MSH4: variants seen among roughly 807,000 people sequenced by gnomAD.
MSH4 encodes mutS homolog 4.
Under a neutral mutation model 113.7 loss-of-function variants are expected in MSH4, and 106 were observed. That is an observed-to-expected ratio of 0.93 (90% CI 0.80 to 1.10). The LOEUF (loss-of-function observed/expected upper bound fraction) is 1.10, where lower values mean the gene tolerates loss of function less well. Among genes scored for constraint, MSH4 ranks in the 50% least tolerant of loss-of-function variants. The pLI, the probability that MSH4 is intolerant of heterozygous loss-of-function variation, is 0.00. For missense variants in MSH4, 1,061 were observed against 1,093.7 expected (o/e 0.97, Z 0.42); for synonymous variants, 368 against 380.2 (o/e 0.97, Z 0.37).
At chr1:75,852,184 T>A (rs1159215) in intron 8 of MSH4, among the ~76,000 whole-genome samples, 42,504 of 152,144 alleles carry the variant, frequency 0.28, 6,232 homozygotes, top group Middle Eastern at 0.37. Context: ...CATAACGTTT[T>A]CAAGTTTCAT....
At chr1:75,866,024 A>G (rs1391433191) in intron 8 of MSH4, among the ~76,000 whole-genome samples, 1 of 151,514 alleles carries the variant, frequency 6.6e-6, no homozygotes, top group Non-Finnish European at 1.5e-5. Context: ...CTATTTCTAG[A>G]CTCTTTATTC....
chr1:75,805,919 A>T (rs988177131), intron 2 of MSH4, among the ~76,000 whole-genome samples: 10 of 152,014 alleles, frequency 6.6e-5, no homozygotes, highest in Admixed American at 5.9e-4. Flanking sequence ...GTATTGGTTA[A>T]TTTATTGGTT....
At chr1:75,862,085 C>T (rs766711160) in intron 8 of MSH4, among the ~76,000 whole-genome samples, 5 of 152,158 alleles carry the variant, frequency 3.3e-5, no homozygotes, top group Non-Finnish European at 7.4e-5. Context: ...GGGCGTGGAA[C>T]CTGCTGAGCC....
chr1:75,798,351 A>G (rs551349655), intron 1 of MSH4, among the ~76,000 whole-genome samples: 7 of 152,208 alleles, frequency 4.6e-5, no homozygotes, highest in Admixed American at 1.3e-4. Flanking sequence ...TACCTCCCAG[A>G]GAATTGCTGT....
At chr1:75,907,684 C>CTCTCTCTCTATATATATATA (rs1307238647) in intron 19 of MSH4, among the ~76,000 whole-genome samples, 7 of 46,564 alleles carry the variant, frequency 1.5e-4, no homozygotes, top group Admixed American at 3.4e-4. Context: ...CTCTCTCTCT[C>CTCTCTCTCTATATATATATA]TATACATATA....
intron 7 of MSH4, among the ~76,000 whole-genome samples, chr1:75,835,728 T>C (rs188002902): frequency 6.6e-6 from 1 of 152,346 alleles, no homozygotes; most frequent in East Asian, 1.9e-4. Context: ...CTTCATCTTT[T>C]CTAGCTACCA....
Position 75,803,801 on chromosome 1 carries a change from C to A in MSH4, c.315C>A (p.Ser105Arg). ...TVASNFTFGASSSSARDTNYP... is the reference protein window; with the variant it reads ...TVASNFTFGARSSSARDTNYP... Reference sequence around the variant, plus strand: ...CATCAAATTTTACTTTTGGTGCAAGCTCATCTTCTGCACGAGATACTAATT... The same window carrying A: ...CATCAAATTTTACTTTTGGTGCAAGATCATCTTCTGCACGAGATACTAATT... The change falls in exon 2 of 20, where the codon AGC becomes AGA. Residue 105 changes from serine to arginine, a missense_variant. By Grantham distance (110) the Ser-to-Arg change is moderately radical (BLOSUM62 -1). Transcript: ENST00000263187. The A allele has an allele frequency of 6.2e-7, 1 of 1,607,224 alleles. No individual in the cohort carries two copies. The highest frequency in any genetic ancestry group is 1.1e-5 in the South Asian group (1 of 89,332).
At chr1:75,897,014 A>T (rs1652400563) in intron 17 of MSH4, among the ~76,000 whole-genome samples, 1 of 152,180 alleles carries the variant, frequency 6.6e-6, no homozygotes, top group African/African-American at 2.4e-5. Context: ...TCCATAGTTG[A>T]TAGCCATTTT....
rs547780599 is a variant in MSH4, at chr1:75,839,366, C to G, written c.1163-8843C>G. Among the ~76,000 whole-genome samples the G allele has an allele frequency of 2.3e-3, 351 of 152,188 alleles. 4 individuals carry two copies. The highest frequency in any genetic ancestry group is 8.1e-3 in the African/African-American group (338 of 41,512). On this transcript the variant is annotated intron_variant, in intron 7 of 19. Coordinates refer to ENST00000263187, the MANE Select transcript of MSH4 (RefSeq NM_002440.4). ...AGTAGCTGGGATTACAGGCGCCCAC[C>G]ACCATGCCTGGCTAATTTTTGTATT...
At chr1:75,869,039 A>G (rs933810417) in intron 9 of MSH4, among the ~76,000 whole-genome samples, 2 of 152,196 alleles carry the variant, frequency 1.3e-5, no homozygotes, top group African/African-American at 4.8e-5. Context: ...AGGGCTCAGA[A>G]GACAGGAAGT....
chr1:75,856,804 G>C (rs772072522), intron 8 of MSH4, among the ~76,000 whole-genome samples: 1 of 152,212 alleles, frequency 6.6e-6, no homozygotes, highest in South Asian at 2.1e-4. Context: ...TATATGCCCA[G>C]TAATGGGATT....
intron 17 of MSH4, among the ~76,000 whole-genome samples, chr1:75,893,320 T>G (rs926544245): frequency 2.6e-5 from 4 of 152,142 alleles, no homozygotes; most frequent in Non-Finnish European, 4.4e-5. Flanking sequence ...AAACCCAGAA[T>G]CTCATCCTAT....
At chr1:75,885,337 GTGTGTATA>G (rs1557523780) in intron 15 of MSH4, among the ~76,000 whole-genome samples, 1 of 135,032 alleles carries the variant, frequency 7.4e-6, no homozygotes, top group South Asian at 2.2e-4. Flanking sequence ...GTGTGTGTGT[GTGTGTATA>G]TATATATATA....
chr1:75,890,770 G>A lies in MSH4; in HGVS notation c.2301G>A (p.Thr767=), dbSNP rs368490167. 66 of 1,610,106 alleles carry A rather than the reference G, an allele frequency of 4.1e-5. No individual in the cohort carries two copies. Among genetic ancestry groups the A allele is most frequent in the Non-Finnish European group, 3.6e-5 (42 of 1,178,048 alleles). The change falls in exon 17 of 20, where the codon ACG becomes ACA. Residue 767 remains threonine, a synonymous_variant. Coordinates refer to ENST00000263187, the MANE Select transcript of MSH4 (RefSeq NM_002440.4). ...ATGAACTTGGCAGAGGTACTAATAC[G>A]GAAGAAGGTATTGGCATTTGTTATG... ...LIDELGRGTN[T]EEGIGICYAV... is the part of the protein sequence containing the mutation.
At chr1:75,855,567 T>C (rs1452710683) in intron 8 of MSH4, among the ~76,000 whole-genome samples, 2 of 152,226 alleles carry the variant, frequency 1.3e-5, no homozygotes, top group African/African-American at 4.8e-5. Context: ...ATAACGCCAA[T>C]CTGTGTTTCC....
intron 7 of MSH4, among the ~76,000 whole-genome samples, chr1:75,833,830 C>T (rs1344305008): frequency 6.6e-6 from 1 of 152,108 alleles, no homozygotes; most frequent in Admixed American, 6.5e-5. Flanking sequence ...CCTTAAGAAC[C>T]CTAGAAGAAA....
At chr1:75,800,278 C>T (rs1055749784) in intron 1 of MSH4, among the ~76,000 whole-genome samples, 2 of 152,124 alleles carry the variant, frequency 1.3e-5, no homozygotes, top group Non-Finnish European at 2.9e-5. Context: ...CCTGTCCACA[C>T]CTTTGTAAAT....
intron 10 of MSH4, among the ~76,000 whole-genome samples, chr1:75,877,653 C>G (rs1651843822): frequency 2.0e-5 from 3 of 152,204 alleles, no homozygotes; most frequent in Non-Finnish European, 4.4e-5. Flanking sequence ...AATCACTGAA[C>G]TTTACCACTG....
At chr1:75,836,299 TTTC>T (rs1650826192) in intron 7 of MSH4, among the ~76,000 whole-genome samples, 3 of 21,170 alleles carry the variant, frequency 1.4e-4, no homozygotes, top group Non-Finnish European at 4.3e-4. Context: ...TTTCTTTCTT[TTTC>T]TTTTTTTTTT....
Sources: gnomAD v4.1 joint callset for allele counts (sites outside exome capture counted in the v4.1 genomes callset) on GRCh38, gnomAD v4.1.1 for gene constraint, MANE v1.5 for transcripts, NCBI Gene and HGNC (gene_info 2026-07-23, HGNC 2026-07-21) for gene names.